Variants in CCDC148 observed in about 807,000 individuals in gnomAD.
The protein encoded by CCDC148 is coiled-coil domain containing 148.
A neutral mutation model predicts 85.7 loss-of-function variants in CCDC148; 89 were observed. The observed-to-expected ratio is 1.04, with a 90% CI of 0.87 to 1.24. The LOEUF is 1.24. CCDC148 is among the 50% of genes most tolerant of loss of function. CCDC148 has a pLI of 0.00. For synonymous variants in CCDC148, 230 were observed against 213.9 expected (o/e 1.08, Z -0.66); for missense variants, 692 against 671.7 (o/e 1.03, Z -0.33).
chr2:158,217,035 G>A (rs1486328714), intron 11 of CCDC148, among the ~76,000 whole-genome samples: 2 of 152,134 alleles, frequency 1.3e-5, no homozygotes, highest in South Asian at 2.1e-4. Flanking sequence ...AATGTCAACC[G>A]ATTCTAGAGC....
chr2:158,277,155 C>G (rs1425076548), intron 9 of CCDC148, among the ~76,000 whole-genome samples: 1 of 152,178 alleles, frequency 6.6e-6, no homozygotes, highest in Non-Finnish European at 1.5e-5. Flanking sequence ...GAAGAATTTT[C>G]CCAGTGCCAT....
chr2:158,203,589 G>A (rs1686078917), intron 11 of CCDC148, among the ~76,000 whole-genome samples: 1 of 152,052 alleles, frequency 6.6e-6, no homozygotes, highest in African/African-American at 2.4e-5. Context: ...AATGTTAAAA[G>A]TTTGTTAGGA....
chr2:158,441,675 C>T (rs546661189), intron 1 of CCDC148, among the ~76,000 whole-genome samples: 3 of 152,192 alleles, frequency 2.0e-5, no homozygotes, highest in South Asian at 4.1e-4. Flanking sequence ...GCTTCAAATA[C>T]AGTATTTATG....
chr2:158,202,559 C>T (rs1039987369), intron 11 of CCDC148, among the ~76,000 whole-genome samples: 4 of 152,166 alleles, frequency 2.6e-5, no homozygotes, highest in African/African-American at 7.2e-5. Context: ...TTTGTGGAAA[C>T]GGTGCCAAAT....
intron 9 of CCDC148, among the ~76,000 whole-genome samples, chr2:158,287,855 C>T (rs1209358626): frequency 6.6e-6 from 1 of 152,208 alleles, no homozygotes; most frequent in African/African-American, 2.4e-5. Context: ...GCTTCAACGC[C>T]ACATTTCTCT....
chr2:158,255,768 A>C (rs1035923821), intron 9 of CCDC148, among the ~76,000 whole-genome samples: 3 of 151,740 alleles, frequency 2.0e-5, no homozygotes, highest in African/African-American at 4.8e-5. Flanking sequence ...TCACAAAAGA[A>C]CATTACCACA....
intron 7 of CCDC148, among the ~76,000 whole-genome samples, chr2:158,317,750 C>A (rs190090553): frequency 6.6e-6 from 1 of 152,252 alleles, no homozygotes; most frequent in East Asian, 1.9e-4. Context: ...ACTTTAACAA[C>A]AGAAACAAGT....
At chr2:158,240,452 T>TCACACACACACA (rs4028276) in intron 10 of CCDC148, among the ~76,000 whole-genome samples, 74 of 120,532 alleles carry the variant, frequency 6.1e-4, no homozygotes, top group African/African-American at 2.0e-3. Context: ...TCTCTCTCTC[T>TCACACACACACA]CACACACACA....
intron 10 of CCDC148, chr2:158,236,295 A>C (rs1434302080): frequency 6.6e-6 from 1 of 152,144 alleles, no homozygotes; most frequent in African/African-American, 2.4e-5. Flanking sequence ...GAGCCAAGAA[A>C]GTATTCTTGG....
intron 11 of CCDC148, among the ~76,000 whole-genome samples, chr2:158,180,815 C>A (rs958946671): frequency 6.6e-6 from 1 of 152,124 alleles, no homozygotes; most frequent in Non-Finnish European, 1.5e-5. Flanking sequence ...CACAGTGGAT[C>A]CTTGTGGAAT....
intron 9 of CCDC148, among the ~76,000 whole-genome samples, chr2:158,268,523 T>C (rs1350445985): frequency 6.6e-6 from 1 of 152,200 alleles, no homozygotes; most frequent in African/African-American, 2.4e-5. Flanking sequence ...TCTATGAATT[T>C]TGTGACATGA....
intron 7 of CCDC148, among the ~76,000 whole-genome samples, chr2:158,333,449 T>C (rs1346251209): frequency 6.6e-6 from 1 of 152,150 alleles, no homozygotes. Flanking sequence ...AGATGGTCAG[T>C]TTTAGAATAA....
At chr2:158,233,384 T>C (rs1687948068) in intron 10 of CCDC148, among the ~76,000 whole-genome samples, 1 of 151,932 alleles carries the variant, frequency 6.6e-6, no homozygotes, top group East Asian at 1.9e-4. Context: ...CCTCTTTCTA[T>C]ATGATCAATT....
chr2:158,303,026 G>A (rs1691519195), intron 9 of CCDC148, among the ~76,000 whole-genome samples: 1 of 152,024 alleles, frequency 6.6e-6, no homozygotes, highest in Non-Finnish European at 1.5e-5. Context: ...CAACTGTTAT[G>A]ACAGAAACCA....
intron 13 of CCDC148, among the ~76,000 whole-genome samples, chr2:158,173,513 G>T (rs776468749): frequency 6.6e-6 from 1 of 152,020 alleles, no homozygotes; most frequent in African/African-American, 2.4e-5. Context: ...AATGGAGGCC[G>T]AGAGAGTGGT....
At position 158,250,635 on chromosome 2, in the gene CCDC148, A is replaced by T. The variant is rs928179888; in HGVS notation, c.1251+137T>A. ...GAAGCTCAAATAAACTTTTCATTAG[A>T]TAAAACATTCCACTAGATCTTTATG... On this transcript the variant is annotated intron_variant, in intron 10 of 13. Transcript: ENST00000283233. The T allele has an allele frequency of 4.7e-6, 6 of 1,268,828 alleles. No homozygotes were observed. The East Asian group carries it at 1.1e-4, about 24-fold the overall frequency. The allele number at this position is 1,268,828 out of a possible 1,614,324, so 78.6% of individuals were successfully genotyped here.
chr2:158,174,850 C>A (rs1684496341), intron 13 of CCDC148, among the ~76,000 whole-genome samples: 1 of 152,024 alleles, frequency 6.6e-6, no homozygotes, highest in Admixed American at 6.6e-5. Flanking sequence ...CAATTATAAT[C>A]TTAAGGGACC....
chr2:158,222,470 T>TCTCTC (rs1553483757), intron 10 of CCDC148, among the ~76,000 whole-genome samples: 15 of 148,242 alleles, frequency 1.0e-4, no homozygotes, highest in Non-Finnish European at 1.8e-4. Context: ...CTCTCTCTCT[T>TCTCTC]TCTCTCTCTC....
chr2:158,225,810 G>A (rs1346938684), intron 10 of CCDC148, among the ~76,000 whole-genome samples: 1 of 152,154 alleles, frequency 6.6e-6, no homozygotes, highest in Non-Finnish European at 1.5e-5. Context: ...AAAGCAGTGT[G>A]TAGAGGGAAA....
Sources: gnomAD v4.1 joint callset for allele counts (sites outside exome capture counted in the v4.1 genomes callset) on GRCh38, gnomAD v4.1.1 for gene constraint, MANE v1.5 for transcripts, NCBI Gene and HGNC (gene_info 2026-07-23, HGNC 2026-07-21) for gene names.